Variants in TMEM175 observed in about 807,000 individuals in gnomAD.
TMEM175 encodes endosomal/lysosomal proton channel TMEM175.
A neutral mutation model predicts 36.5 loss-of-function variants in TMEM175; 36 were observed. The observed-to-expected ratio is 0.99, with a 90% CI of 0.76 to 1.30. The LOEUF (loss-of-function observed/expected upper bound fraction) is 1.30, where lower values mean the gene tolerates loss of function less well. TMEM175 is among the 50% of genes most tolerant of loss of function. The probability of loss-of-function intolerance (pLI) is 0.00; values close to 1 mark genes in which losing one functional copy is unlikely to be tolerated. For missense variants in TMEM175, 705 were observed against 692.8 expected, an observed-to-expected ratio of 1.02 and a Z score of -0.20; for synonymous variants, 339 against 313.4, an observed-to-expected ratio of 1.08 and a Z score of -0.86.
At chr4:933,835 T>C (rs916681127) in intron 1 of TMEM175, among the ~76,000 whole-genome samples, 1 of 152,254 alleles carries the variant, frequency 6.6e-6, no homozygotes, top group Non-Finnish European at 1.5e-5. Flanking sequence ...AACACTTATC[T>C]ATGTTATGGA....
Position 955,900 on chromosome 4 carries a change from C to G in TMEM175, c.842+10C>G. The G allele has an allele frequency of 6.2e-7, 1 of 1,610,052 alleles. No homozygotes were observed. The highest frequency in any genetic ancestry group is 8.5e-7 in the Non-Finnish European group (1 of 1,176,812). ...TCATCCTGGACATCTGGTGAGGACC[C>G]CGCGTCACCTGCCCCAGCTATCAGG... is the stretch of plus-strand genomic sequence containing the variant. On this transcript the variant is annotated intron_variant, in intron 10 of 10. Coordinates refer to ENST00000264771, the MANE Select transcript of TMEM175 (RefSeq NM_032326.4).
intron 1 of TMEM175, among the ~76,000 whole-genome samples, chr4:947,069 C>T (rs558009240): frequency 4.7e-4 from 66 of 140,218 alleles, no homozygotes; most frequent in East Asian, 3.1e-3. Flanking sequence ...CGAGGGAGAG[C>T]GCGGCCCCTG....
At chr4:944,208 G>A (rs770472916) in intron 1 of TMEM175, among the ~76,000 whole-genome samples, 21 of 152,182 alleles carry the variant, frequency 1.4e-4, no homozygotes, top group African/African-American at 3.6e-4. Flanking sequence ...CACAAGAATC[G>A]CTTGAACCCA....
chr4:940,557 T>C (rs972819135), intron 1 of TMEM175, among the ~76,000 whole-genome samples: 1 of 152,166 alleles, frequency 6.6e-6, no homozygotes, highest in African/African-American at 2.4e-5. Context: ...ATGATACTGT[T>C]TTGGTGAAAA....
chr4:938,665 A>G (rs77828256), intron 1 of TMEM175, among the ~76,000 whole-genome samples: 1,694 of 152,358 alleles, frequency 0.011, 38 homozygotes, highest in African/African-American at 0.037. Flanking sequence ...AATAGCATCA[A>G]AAAGTCTGAA....
intron 1 of TMEM175, among the ~76,000 whole-genome samples, chr4:946,893 C>G (rs1728210615): frequency 6.7e-6 from 1 of 149,040 alleles, no homozygotes; most frequent in Non-Finnish European, 1.5e-5. Context: ...AGAGCGCGGC[C>G]CCGTAGGAGA....
rs777238127 is a variant in TMEM175, at chr4:950,533, G to A, written c.290+15G>A. The A allele has an allele frequency of 4.1e-5, 65 of 1,598,394 alleles. No individual in the cohort carries two copies. In the East Asian group the frequency reaches 6.5e-4, roughly 16 times the overall value. On this transcript the variant is annotated intron_variant, in intron 4 of 10. Coordinates refer to ENST00000264771, the MANE Select transcript of TMEM175 (RefSeq NM_032326.4). ...GCACACACAAGGTGGGGGCCCGGGC[G>A]CTTCCAGCGGTCCATAGCTGCTCTC...
At chr4:954,367 G>A (rs1729352302) in intron 8 of TMEM175, among the ~76,000 whole-genome samples, 1 of 152,228 alleles carries the variant, frequency 6.6e-6, no homozygotes, top group Non-Finnish European at 1.5e-5. Context: ...AGGAGCCCCT[G>A]GGGATAAGAC....
intron 7 of TMEM175, 115 bp downstream of exon 7, chr4:952,565 G>C (rs1729062524): frequency 4.1e-5 from 6 of 146,622 alleles, no homozygotes; most frequent in South Asian, 9.4e-5. Flanking sequence ...GGCCTGCACT[G>C]TGTGTGTGTG....
At chr4:937,668 G>A (rs1726948835) in intron 1 of TMEM175, among the ~76,000 whole-genome samples, 1 of 152,168 alleles carries the variant, frequency 6.6e-6, no homozygotes, top group African/African-American at 2.4e-5. Context: ...GTTGAAGGAA[G>A]GAATTATTTC....
chr4:945,060 G>A (rs200625548), intron 1 of TMEM175, among the ~76,000 whole-genome samples: 2 of 143,698 alleles, frequency 1.4e-5, no homozygotes, highest in Non-Finnish European at 3.1e-5. Flanking sequence ...CCGTGATTAC[G>A]CCACTGCCCT....
At chr4:949,008 C>T (rs1043064452) in intron 3 of TMEM175, among the ~76,000 whole-genome samples, 6 of 152,194 alleles carry the variant, frequency 3.9e-5, no homozygotes, top group African/African-American at 7.2e-5. Context: ...TGGGCACCAG[C>T]AGGCAGCAAG....
chr4:955,602 C>A, intron 9 of TMEM175, 119 bp downstream of exon 9: 1 of 1,428,088 alleles, frequency 7.0e-7, no homozygotes, highest in Non-Finnish European at 9.6e-7. Context: ...GTGGCTGGGG[C>A]TCCCCCACTC....
chr4:937,429 G>T (rs1354311037), intron 1 of TMEM175, among the ~76,000 whole-genome samples: 3 of 152,154 alleles, frequency 2.0e-5, no homozygotes, highest in African/African-American at 7.2e-5. Flanking sequence ...CCAGCATGGT[G>T]GTAGGTGCCT....
At chr4:945,426 T>TG (rs1465764033) in intron 1 of TMEM175, among the ~76,000 whole-genome samples, 8 of 152,034 alleles carry the variant, frequency 5.3e-5, no homozygotes, top group Non-Finnish European at 8.8e-5. Flanking sequence ...TCGGTTTCTG[T>TG]TTTCCCCAGG....
Position 958,656 on chromosome 4 carries a change from A to C in TMEM175, c.*160A>C. The C allele has an allele frequency of 3.1e-6, 2 of 635,902 alleles. No homozygotes were observed. Among genetic ancestry groups the C allele is most frequent in the Non-Finnish European group, 5.2e-6 (2 of 383,930 alleles). The allele number at this position is 635,902 out of a possible 1,614,324, so 39.4% of individuals were successfully genotyped here. A position where few individuals can be genotyped will look rare whatever the true frequency, so the allele number is the denominator to read the frequency against. Reference sequence around the variant, plus strand: ...ATCATGCTCTTATTTCAGTCCTCAAATTGTTCTCCACTTTTTGCGGAGAGA... The same window carrying C: ...ATCATGCTCTTATTTCAGTCCTCAACTTGTTCTCCACTTTTTGCGGAGAGA... On this transcript the variant is annotated 3_prime_UTR_variant, in exon 11 of 11. Transcript: ENST00000264771.
chr4:953,494 C>A, intron 8 of TMEM175, 140 bp downstream of exon 8: 2 of 1,080,850 alleles, frequency 1.9e-6, no homozygotes, highest in Non-Finnish European at 2.6e-6. Context: ...GTGTGTGAGG[C>A]CCAGGGCTGC....
At chr4:954,870 G>A (rs1426101226) in intron 8 of TMEM175, among the ~76,000 whole-genome samples, 6 of 152,148 alleles carry the variant, frequency 3.9e-5, no homozygotes, top group African/African-American at 7.2e-5. Context: ...TTTGATCTGC[G>A]AGAGGTCGAC....
At chr4:947,397 C>G (rs754436441) in intron 1 of TMEM175, among the ~76,000 whole-genome samples, 10 of 152,206 alleles carry the variant, frequency 6.6e-5, no homozygotes, top group Non-Finnish European at 1.2e-4. Context: ...TTTAGGTCGG[C>G]CTTGGGGTCT....
Sources: gnomAD v4.1 joint callset for allele counts (sites outside exome capture counted in the v4.1 genomes callset) on GRCh38, gnomAD v4.1.1 for gene constraint, MANE v1.5 for transcripts, NCBI Gene and HGNC (gene_info 2026-07-23, HGNC 2026-07-21) for gene names.